Variants in WWOX observed in about 807,000 individuals in gnomAD.
WWOX encodes WW domain-containing oxidoreductase.
Under a neutral mutation model 46.2 loss-of-function variants are expected in WWOX, and 69 were observed. The ratio of observed to expected loss-of-function variants is 1.49; its 90% CI spans 1.23 to 1.82. WWOX has a LOEUF of 1.82. WWOX is among the 40% of genes most tolerant of loss of function. WWOX has a pLI of 0.00. For missense variants in WWOX, 919 were observed against 542.6 expected (o/e 1.69, Z -6.89); for synonymous variants, 359 against 202.6 (o/e 1.77, Z -6.56).
At chr16:79,142,042 G>C (rs142728171) in intron 8 of WWOX, among the ~76,000 whole-genome samples, 25 of 152,274 alleles carry the variant, frequency 1.6e-4, no homozygotes, top group African/African-American at 5.5e-4. Flanking sequence ...CCAGTTAAGA[G>C]GTATATATCT....
intron 8 of WWOX, among the ~76,000 whole-genome samples, chr16:79,029,917 T>C (rs975704627): frequency 3.3e-5 from 5 of 152,216 alleles, no homozygotes; most frequent in Admixed American, 6.5e-5. Context: ...ATGGTCACTT[T>C]ACTGGTATAA....
intron 8 of WWOX, among the ~76,000 whole-genome samples, chr16:78,589,543 C>G (rs1195017069): frequency 6.6e-6 from 1 of 152,184 alleles, no homozygotes; most frequent in Non-Finnish European, 1.5e-5. Flanking sequence ...GCAGAACCTG[C>G]AACTCTTCAG....
At chr16:79,037,125 C>G (rs79885988) in intron 8 of WWOX, among the ~76,000 whole-genome samples, 2,046 of 152,308 alleles carry the variant, frequency 0.013, 21 homozygotes, top group South Asian at 0.03. Flanking sequence ...TTTGTAATCT[C>G]TCTCAAGGAA....
chr16:78,252,612 T>C (rs533458415), intron 5 of WWOX, among the ~76,000 whole-genome samples: 1 of 152,344 alleles, frequency 6.6e-6, no homozygotes, highest in Admixed American at 6.5e-5. Context: ...TTCCTTCTAC[T>C]TAAGGGCTCT....
intron 8 of WWOX, among the ~76,000 whole-genome samples, chr16:78,583,256 A>G (rs2045108910): frequency 6.6e-6 from 1 of 152,196 alleles, no homozygotes; most frequent in African/African-American, 2.4e-5. Flanking sequence ...AGCAGTGCTG[A>G]AGGAACAACT....
At chr16:78,159,063 A>G (rs1293709432) in intron 4 of WWOX, among the ~76,000 whole-genome samples, 1 of 152,184 alleles carries the variant, frequency 6.6e-6, no homozygotes, top group Non-Finnish European at 1.5e-5. Context: ...TTCACTTAGC[A>G]TAATGTCCTT....
rs148796847 is a variant in WWOX at position 78,607,321 on chromosome 16, G to A, written c.1056+174569G>A. ...TAAGAATCGGGGCTCCTGTGAGTAC[G>A]TAAATGAAATACGCTTACATCATTT... On this transcript the variant is annotated intron_variant, in intron 8 of 8. Coordinates refer to ENST00000566780, the MANE Select transcript of WWOX (RefSeq NM_016373.4). Among the ~76,000 whole-genome samples the A allele has an allele frequency of 1.3e-3, 197 of 152,196 alleles. 1 individual carries two copies. Among genetic ancestry groups the A allele is most frequent in the African/African-American group, 4.2e-3 (175 of 41,512 alleles).
At chr16:79,009,550 C>G (rs535060175) in intron 8 of WWOX, among the ~76,000 whole-genome samples, 2 of 152,144 alleles carry the variant, frequency 1.3e-5, no homozygotes, top group East Asian at 1.9e-4. Context: ...TCACAGTAAC[C>G]TCTGCCTCCT....
chr16:78,454,843 T>A (rs986285886), intron 8 of WWOX, among the ~76,000 whole-genome samples: 1 of 152,172 alleles, frequency 6.6e-6, no homozygotes, highest in South Asian at 2.1e-4. Flanking sequence ...TGACCCAGTT[T>A]CAATACCAAC....
intron 8 of WWOX, among the ~76,000 whole-genome samples, chr16:78,675,575 C>G (rs1459381642): frequency 6.6e-6 from 1 of 152,126 alleles, no homozygotes; most frequent in South Asian, 2.1e-4. Flanking sequence ...TGTGATGGCT[C>G]CACAGAGCAG....
At chr16:78,105,863 G>A (rs1437045047) in intron 1 of WWOX, among the ~76,000 whole-genome samples, 13 of 152,066 alleles carry the variant, frequency 8.5e-5, no homozygotes, top group Non-Finnish European at 1.6e-4. Flanking sequence ...CTGCAGTGGC[G>A]TGATTTTGGC....
intron 8 of WWOX, among the ~76,000 whole-genome samples, chr16:78,829,833 A>C (rs1217581568): frequency 6.6e-6 from 1 of 152,194 alleles, no homozygotes; most frequent in Non-Finnish European, 1.5e-5. Flanking sequence ...CCCTCCTGCT[A>C]GCATTTTTCT....
chr16:78,793,695 A>C (rs537442191), intron 8 of WWOX, among the ~76,000 whole-genome samples: 1 of 152,176 alleles, frequency 6.6e-6, no homozygotes, highest in Non-Finnish European at 1.5e-5. Context: ...TTATAATTAC[A>C]TTCAGAAATG....
chr16:78,445,495 A>C (rs2083539057), intron 8 of WWOX, among the ~76,000 whole-genome samples: 1 of 152,214 alleles, frequency 6.6e-6, no homozygotes, highest in Non-Finnish European at 1.5e-5. Flanking sequence ...ATAGGCATGG[A>C]AATGAAGAGA....
chr16:78,989,086 A>G (rs541551581), intron 8 of WWOX, among the ~76,000 whole-genome samples: 14 of 152,264 alleles, frequency 9.2e-5, no homozygotes, highest in African/African-American at 2.6e-4. Flanking sequence ...GGGACTAACA[A>G]TGATCCCTTT....
intron 8 of WWOX, among the ~76,000 whole-genome samples, chr16:78,717,252 T>G (rs543688464): frequency 1.3e-5 from 2 of 152,308 alleles, no homozygotes; most frequent in African/African-American, 2.4e-5. Flanking sequence ...ATTGCTAAAT[T>G]GGAAAACCAT....
chr16:79,125,925 C>G (rs982383864), intron 8 of WWOX, among the ~76,000 whole-genome samples: 2 of 152,210 alleles, frequency 1.3e-5, no homozygotes, highest in East Asian at 1.9e-4. Context: ...CTCCAGGAGA[C>G]TGTCATCTCT....
chr16:78,692,676 A>G (rs2048016614), intron 8 of WWOX, among the ~76,000 whole-genome samples: 1 of 152,244 alleles, frequency 6.6e-6, no homozygotes, highest in African/African-American at 2.4e-5. Context: ...TCACCAGTGG[A>G]GTCCCATAAA....
chr16:78,441,416 G>C (rs563562570), intron 8 of WWOX, among the ~76,000 whole-genome samples: 1 of 152,130 alleles, frequency 6.6e-6, no homozygotes, highest in South Asian at 2.1e-4. Context: ...GGTAGGCAAG[G>C]GATTATAGTT....
Sources: gnomAD v4.1 joint callset for allele counts (sites outside exome capture counted in the v4.1 genomes callset) on GRCh38, gnomAD v4.1.1 for gene constraint, MANE v1.5 for transcripts, NCBI Gene and HGNC (gene_info 2026-07-23, HGNC 2026-07-21) for gene names.